ERICH1: variants seen among roughly 807,000 people sequenced by gnomAD.
ERICH1 encodes the protein glutamate-rich protein 1.
A neutral mutation model predicts 39.6 loss-of-function variants in ERICH1; 56 were observed. The ratio of observed to expected loss-of-function variants is 1.41; its 90% CI spans 1.14 to 1.77. The LOEUF (loss-of-function observed/expected upper bound fraction) is 1.77, where lower values mean the gene tolerates loss of function less well. ERICH1 is among the 40% of genes most tolerant of loss of function. The pLI, the probability that ERICH1 is intolerant of heterozygous loss-of-function variation, is 0.00. For synonymous variants in ERICH1, 313 were observed against 223.6 expected (o/e 1.40, Z -3.57); for missense variants, 826 against 575.4 (o/e 1.44, Z -4.45).
chr8:717,683 CA>C lies in ERICH1; in HGVS notation c.23-1677del, dbSNP rs61646547. Reference sequence around the variant, plus strand: ...AGCCGTCCAATTCTGCAAACAAGGACAGGGGCGCTCAGAGCTAAAGCCTTGC... The same window carrying C: ...AGCCGTCCAATTCTGCAAACAAGGACGGGGCGCTCAGAGCTAAAGCCTTGC... On this transcript the variant is annotated intron_variant, in intron 1 of 5. Transcript: ENST00000262109. Among the ~76,000 whole-genome samples the C allele has an allele frequency of 7.6e-3, 1,152 of 152,318 alleles. 12 individuals carry two copies. Among genetic ancestry groups the C allele is most frequent in the African/African-American group, 0.026 (1,101 of 41,574 alleles).
intron 2 of ERICH1, among the ~76,000 whole-genome samples, chr8:700,995 C>T (rs139858395): frequency 3.3e-5 from 5 of 152,388 alleles, no homozygotes; most frequent in East Asian, 1.9e-4. Context: ...GTGCCAACCA[C>T]GCTGCGTGCA....
At chr8:725,964 G>A (rs1255868406) in intron 1 of ERICH1, 2 of 152,400 alleles carry the variant, frequency 1.3e-5, no homozygotes, top group African/African-American at 2.4e-5. Flanking sequence ...TCTGGAGGAA[G>A]GATTCTACCA....
At chr8:708,356 T>C (rs1424328788) in intron 2 of ERICH1, among the ~76,000 whole-genome samples, 3 of 152,206 alleles carry the variant, frequency 2.0e-5, no homozygotes, top group East Asian at 1.9e-4. Context: ...TGGATTCTCA[T>C]AGCAATGTTA....
intron 3 of ERICH1, among the ~76,000 whole-genome samples, chr8:642,259 A>T (rs1799078562): frequency 6.6e-6 from 1 of 151,898 alleles, no homozygotes; most frequent in Admixed American, 6.6e-5. Context: ...TGCTAACTGC[A>T]ATTTGCTTTG....
chr8:624,445 C>T lies in ERICH1; in HGVS notation c.977-9161G>A, dbSNP rs527246662. Among the ~76,000 whole-genome samples the T allele has an allele frequency of 1.5e-4, 23 of 152,366 alleles. No individual in the cohort carries two copies. The East Asian group carries it at 2.3e-3, about 15-fold the overall frequency. On this transcript the variant is annotated intron_variant, in intron 3 of 3. Coordinates refer to the ERICH1 transcript ENST00000522706. ...CCCAAGAGAAACAAAAACACATTCA[C>T]GCCAAAGCTTGTACGTGATTGCTCA...
chr8:671,254 G>A (rs1302893722), intron 4 of ERICH1, among the ~76,000 whole-genome samples: 2 of 133,670 alleles, frequency 1.5e-5, no homozygotes, highest in South Asian at 2.5e-4. Flanking sequence ...TGAACCCGCT[G>A]GCCCCTGCTC....
downstream of ERICH1, among the ~76,000 whole-genome samples, chr8:661,676 G>A (rs1365142310): frequency 6.6e-6 from 1 of 152,180 alleles, no homozygotes; most frequent in African/African-American, 2.4e-5. Context: ...TGACATATTA[G>A]AGACAAGATT....
At chr8:641,381 T>A (rs1172418101) in intron 3 of ERICH1, among the ~76,000 whole-genome samples, 1 of 152,226 alleles carries the variant, frequency 6.6e-6, no homozygotes, top group Non-Finnish European at 1.5e-5. Flanking sequence ...GGCCTCATTT[T>A]CAAAATTAAA....
chr8:723,615 C>G (rs981521956), intron 1 of ERICH1, among the ~76,000 whole-genome samples: 21 of 152,354 alleles, frequency 1.4e-4, no homozygotes, highest in African/African-American at 4.8e-4. Context: ...CAGTGAACAG[C>G]AGCTCTAGCT....
intron 3 of ERICH1, among the ~76,000 whole-genome samples, chr8:655,507 G>C (rs1041455766): frequency 6.6e-6 from 1 of 152,206 alleles, no homozygotes; most frequent in Non-Finnish European, 1.5e-5. Flanking sequence ...CCTTGCAGGA[G>C]CTCCTCTTTT....
At chr8:618,885 C>T (rs957310650) in intron 3 of ERICH1, among the ~76,000 whole-genome samples, 7 of 152,044 alleles carry the variant, frequency 4.6e-5, no homozygotes, top group Admixed American at 6.6e-5. Flanking sequence ...ACACAGCTGC[C>T]GTCTTGGGAG....
At chr8:686,019 G>C (rs1043967674) in intron 3 of ERICH1, among the ~76,000 whole-genome samples, 38 of 151,192 alleles carry the variant, frequency 2.5e-4, no homozygotes, top group African/African-American at 8.3e-4. Context: ...AAATAGCTTG[G>C]TGTAGTGGTG....
At chr8:633,093 A>C (rs918818428) in intron 3 of ERICH1, among the ~76,000 whole-genome samples, 3 of 150,516 alleles carry the variant, frequency 2.0e-5, no homozygotes, top group Non-Finnish European at 4.4e-5. Context: ...GACAGACGGA[A>C]ACCAGTGTGG....
rs571611465 is a variant in ERICH1 at position 670,370 on chromosome 8, C to T, written c.1064-1578G>A. ...GGTTTTCGGTGCTGTGGTCCTGTCT[C>T]GTGGCATGCCCGGTAAACTGTTGCT... On this transcript the variant is annotated intron_variant, in intron 4 of 5. Transcript: ENST00000262109. 1.6e-4 allele frequency among the ~76,000 whole-genome samples: 25 copies of T among 152,270 alleles called. No homozygotes were observed. In the South Asian group the frequency reaches 2.1e-3, roughly 13 times the overall value.
chr8:678,536 G>A (rs1254923458), intron 3 of ERICH1, among the ~76,000 whole-genome samples: 2 of 152,210 alleles, frequency 1.3e-5, no homozygotes, highest in Non-Finnish European at 2.9e-5. Context: ...GTTCACCTGT[G>A]ACTTTTACTA....
intron 1 of ERICH1, among the ~76,000 whole-genome samples, chr8:726,640 A>T (rs1417166360): frequency 6.6e-6 from 1 of 151,490 alleles, no homozygotes; most frequent in East Asian, 2.0e-4. Flanking sequence ...GAACACACAG[A>T]CACACATGTA....
intron 5 of ERICH1, chr8:665,929 T>G (rs756355144): frequency 6.6e-6 from 1 of 152,226 alleles, no homozygotes; most frequent in Non-Finnish European, 1.5e-5. Context: ...AAAAAACCCT[T>G]AATTTCAAAA....
Position 686,461 on chromosome 8 carries a change from AAAAAC to A in ERICH1, c.304+6012_304+6016del, listed in dbSNP as rs1235561339. 1.8e-3 allele frequency among the ~76,000 whole-genome samples: 274 copies of A among 151,368 alleles called. 2 individuals are homozygous for A. The highest frequency in any genetic ancestry group is 6.1e-3 in the African/African-American group (252 of 41,194). On this transcript the variant is annotated intron_variant, in intron 3 of 5. Transcript: ENST00000262109. Reference sequence around the variant, plus strand: ...TCCTAGGCAAGCTAAAAAAAAAAAAAAAAACAAAAACAAAAACCATGTAGATCCCA... The same window carrying A: ...TCCTAGGCAAGCTAAAAAAAAAAAAAAAAAACAAAAACCATGTAGATCCCA...
chr8:635,908 C>T (rs1158523091), intron 3 of ERICH1, among the ~76,000 whole-genome samples: 2 of 152,236 alleles, frequency 1.3e-5, no homozygotes, highest in Non-Finnish European at 1.5e-5. Context: ...ATTTAACTTG[C>T]AAGCGGCTCT....
Sources: allele counts gnomAD v4.1 joint callset (sites outside exome capture counted in the v4.1 genomes callset), GRCh38; gene constraint gnomAD v4.1.1; transcripts MANE v1.5; gene names NCBI Gene and HGNC (gene_info 2026-07-23, HGNC 2026-07-21).